Variants in TENM2 observed in about 807,000 individuals in gnomAD.
TENM2 encodes the protein teneurin-2.
In TENM2, 52 loss-of-function variants were observed where a neutral mutation model predicts 245.2. The ratio of observed to expected loss-of-function variants is 0.21; its 90% CI spans 0.17 to 0.27. The LOEUF (loss-of-function observed/expected upper bound fraction) is 0.27, where lower values mean the gene tolerates loss of function less well. Among genes scored for constraint, TENM2 ranks in the 10% least tolerant of loss-of-function variants. The pLI, the probability that TENM2 is intolerant of heterozygous loss-of-function variation, is 1.00. For synonymous variants in TENM2, 1,363 were observed against 1,438.9 expected (o/e 0.95, Z 1.19); for missense variants, 3,046 against 3,666.8 (o/e 0.83, Z 4.37).
intron 2 of TENM2, among the ~76,000 whole-genome samples, chr5:167,390,897 C>T (rs920112115): frequency 6.6e-6 from 1 of 152,168 alleles, no homozygotes; most frequent in African/African-American, 2.4e-5. Context: ...TTCAGGCCCT[C>T]CACAATATAG....
intron 2 of TENM2, among the ~76,000 whole-genome samples, chr5:167,693,506 A>G (rs1295981183): frequency 1.3e-5 from 2 of 151,908 alleles, no homozygotes; most frequent in African/African-American, 4.8e-5. Flanking sequence ...TTCAAAATTT[A>G]TTTCCTGAGG....
chr5:168,234,607 A>G (rs1452807878), intron 25 of TENM2, among the ~76,000 whole-genome samples: 2 of 152,158 alleles, frequency 1.3e-5, no homozygotes, highest in Non-Finnish European at 2.9e-5. Flanking sequence ...TTGAGGCTCT[A>G]TTGCCTCCCA....
the TENM2 span, among the ~76,000 whole-genome samples, chr5:167,099,766 G>T: frequency 1.3e-5 from 2 of 152,144 alleles, no homozygotes; most frequent in Non-Finnish European, 2.9e-5. Context: ...AGAAATTTCT[G>T]ATCTCTGTAG....
the TENM2 span, among the ~76,000 whole-genome samples, chr5:167,172,848 A>AT: frequency 2.0e-5 from 3 of 151,940 alleles, no homozygotes; most frequent in African/African-American, 4.8e-5. Context: ...ATGAGCTTTC[A>AT]TTTTTTAAAC....
chr5:167,373,246 A>G (rs1183728101), intron 1 of TENM2, among the ~76,000 whole-genome samples: 1 of 152,248 alleles, frequency 6.6e-6, no homozygotes, highest in Non-Finnish European at 1.5e-5. Context: ...ACATATGTCT[A>G]TTACAAATTA....
At chr5:167,307,780 A>G (rs1400632759) in intron 1 of TENM2, among the ~76,000 whole-genome samples, 1 of 152,260 alleles carries the variant, frequency 6.6e-6, no homozygotes, top group East Asian at 1.9e-4. Flanking sequence ...AAAGAAAAGT[A>G]GAAAGCACGA....
chr5:167,887,901 T>A (rs1270346949), intron 3 of TENM2, among the ~76,000 whole-genome samples: 1 of 152,154 alleles, frequency 6.6e-6, no homozygotes, highest in African/African-American at 2.4e-5. Context: ...TTCTAGCTTG[T>A]GGTAGCTGCC....
the TENM2 span, among the ~76,000 whole-genome samples, chr5:167,167,431 C>T: frequency 6.6e-6 from 1 of 152,148 alleles, no homozygotes; most frequent in South Asian, 2.1e-4. Context: ...GATCCCTCCC[C>T]TGTCATAAAC....
At chr5:167,517,319 CATACAT>C (rs1770445360) in intron 2 of TENM2, among the ~76,000 whole-genome samples, 1 of 152,116 alleles carries the variant, frequency 6.6e-6, no homozygotes, top group South Asian at 2.1e-4. Flanking sequence ...ATGGGCACTG[CATACAT>C]ATACATAAAC....
At chr5:167,733,427 A>G (rs7717495) in intron 2 of TENM2, among the ~76,000 whole-genome samples, 46,810 of 152,012 alleles carry the variant, frequency 0.31, 7,532 homozygotes, top group East Asian at 0.43. Context: ...ATCGAATGTG[A>G]AATTAAAAAG....
chr5:167,158,899 CCTTCCTTCCTCTTCCTCT>C, the TENM2 span, among the ~76,000 whole-genome samples: 1 of 142,306 alleles, frequency 7.0e-6, no homozygotes, highest in Non-Finnish European at 1.5e-5. Context: ...TTCCTTCCTT[CCTTCCTTCCTCTTCCTCT>C]CTCTCTCTCT....
chr5:168,138,672 G>A (rs1426141514), intron 12 of TENM2, among the ~76,000 whole-genome samples: 2 of 152,202 alleles, frequency 1.3e-5, no homozygotes, highest in Non-Finnish European at 2.9e-5. Flanking sequence ...GGCCCACTTA[G>A]GATCCATTTG....
At chr5:167,981,979 CAAAA>C (rs58295569) in intron 4 of TENM2, among the ~76,000 whole-genome samples, 5 of 100,752 alleles carry the variant, frequency 5.0e-5, no homozygotes, top group Admixed American at 1.9e-4. Context: ...TGTTTCAGAC[CAAAA>C]AAAAAAAAAA....
chr5:167,595,659 T>C (rs762632095), intron 2 of TENM2, among the ~76,000 whole-genome samples: 3 of 152,232 alleles, frequency 2.0e-5, no homozygotes, highest in Admixed American at 2.0e-4. Flanking sequence ...TTTAGCAATT[T>C]CAGACTTATT....
At chr5:167,728,390 G>A (rs1395064853) in intron 2 of TENM2, among the ~76,000 whole-genome samples, 3 of 151,994 alleles carry the variant, frequency 2.0e-5, no homozygotes, top group African/African-American at 7.3e-5. Context: ...ATCCCTTGAG[G>A]CCAGGAATTC....
intron 2 of TENM2, among the ~76,000 whole-genome samples, chr5:167,658,495 T>C (rs934792682): frequency 9.2e-5 from 14 of 152,078 alleles, no homozygotes; most frequent in African/African-American, 2.9e-4. Flanking sequence ...TTTATCAAGA[T>C]CTTAATCCCA....
At chr5:167,911,297 C>T (rs1776525535) in intron 3 of TENM2, among the ~76,000 whole-genome samples, 2 of 152,028 alleles carry the variant, frequency 1.3e-5, no homozygotes, top group Admixed American at 1.3e-4. Context: ...GAGGCCGAGA[C>T]GGACGGATCA....
At position 167,533,614 on chromosome 5, in the gene TENM2, G is replaced by A. The variant is rs375220626; in HGVS notation, c.502+158141G>A. On this transcript the variant is annotated intron_variant, in intron 2 of 28. Coordinates refer to ENST00000518659, the Ensembl canonical transcript of TENM2. Reference sequence around the variant, plus strand: ...TGGGACTACAGGCATGCATCACCACGCTTGGCTAACTTTTTTTTTATTGTT... The same window carrying A: ...TGGGACTACAGGCATGCATCACCACACTTGGCTAACTTTTTTTTTATTGTT... Among the ~76,000 whole-genome samples, 20 of 152,070 alleles carry A rather than the reference G, an allele frequency of 1.3e-4. No individual in the cohort carries two copies. In the South Asian group the frequency reaches 3.5e-3, roughly 27 times the overall value.
At chr5:167,929,457 C>G (rs1778115670) in intron 3 of TENM2, among the ~76,000 whole-genome samples, 1 of 152,030 alleles carries the variant, frequency 6.6e-6, no homozygotes, top group African/African-American at 2.4e-5. Context: ...TCCAGAATAC[C>G]CTGCACATTC....
Sources: gnomAD v4.1 joint callset for allele counts (sites outside exome capture counted in the v4.1 genomes callset) on GRCh38, gnomAD v4.1.1 for gene constraint, MANE v1.5 for transcripts, NCBI Gene and HGNC (gene_info 2026-07-23, HGNC 2026-07-21) for gene names.